The following PARVB variants were observed in gnomAD, a reference collection of about 807,000 sequenced individuals.
PARVB encodes parvin beta, also known as beta-parvin.
In PARVB, 46 loss-of-function variants were observed where a neutral mutation model predicts 47.0. The ratio of observed to expected loss-of-function variants is 0.98; its 90% confidence interval spans 0.77 to 1.25. The LOEUF is 1.25. PARVB is among the 50% of genes most tolerant of loss of function. The probability of loss-of-function intolerance (pLI) is 0.00; values close to 1 mark genes in which losing one functional copy is unlikely to be tolerated. For synonymous variants in PARVB, 196 were observed against 196.3 expected (o/e 1.00, Z 0.01); for missense variants, 473 against 471.6 (o/e 1.00, Z -0.03).
chr22:44,081,118 T>C (rs376628256), intron 1 of PARVB, among the ~76,000 whole-genome samples: 2 of 152,216 alleles, frequency 1.3e-5, no homozygotes, highest in African/African-American at 4.8e-5. Flanking sequence ...TTTCTCCTTT[T>C]CTGCTGTGGG....
intron 1 of PARVB, among the ~76,000 whole-genome samples, chr22:44,041,597 C>T (rs2051019609): frequency 2.0e-5 from 3 of 151,948 alleles, no homozygotes; most frequent in African/African-American, 7.3e-5. Flanking sequence ...AATAAAAGCC[C>T]TACAGGCCAG....
chr22:44,093,409 G>A (rs753452768), intron 1 of PARVB, among the ~76,000 whole-genome samples: 3 of 152,180 alleles, frequency 2.0e-5, no homozygotes, highest in Admixed American at 2.0e-4. Flanking sequence ...ATCCTGACCC[G>A]GGTGTTCCAT....
intron 2 of PARVB, among the ~76,000 whole-genome samples, chr22:44,098,875 A>G (rs1351933338): frequency 6.6e-6 from 1 of 152,170 alleles, no homozygotes; most frequent in Non-Finnish European, 1.5e-5. Context: ...GGATTTCACT[A>G]TGTAGCCCAG....
intron 10 of PARVB, among the ~76,000 whole-genome samples, chr22:44,157,096 A>G (rs1394631995): frequency 6.6e-6 from 1 of 152,278 alleles, no homozygotes; most frequent in Non-Finnish European, 1.5e-5. Flanking sequence ...TAATTTAAAT[A>G]GCTGCATGTG....
At chr22:44,156,001 A>G (rs549433114) in intron 10 of PARVB, among the ~76,000 whole-genome samples, 1 of 152,146 alleles carries the variant, frequency 6.6e-6, no homozygotes, top group South Asian at 2.1e-4. Flanking sequence ...AAATACAAAA[A>G]TTGGCGGGTA....
At chr22:44,087,680 A>G (rs771640473) in intron 1 of PARVB, among the ~76,000 whole-genome samples, 27 of 152,006 alleles carry the variant, frequency 1.8e-4, no homozygotes, top group Admixed American at 3.3e-4. Context: ...GCATAAATAA[A>G]TAAATACAAC....
intron 3 of PARVB, chr22:44,110,112 C>CAAAAA (rs59049954): frequency 1.4e-4 from 11 of 76,714 alleles, no homozygotes; most frequent in African/African-American, 1.5e-4. Context: ...GACTCCGTCT[C>CAAAAA]AAAAAAAAAA....
rs772799730 is a variant in PARVB at position 43,999,596 on chromosome 22, T to C, written c.134T>C (p.Met45Thr). 9 of 1,613,716 alleles carry C rather than the reference T, an allele frequency of 5.6e-6. No individual in the cohort carries two copies. The South Asian group carries it at 7.7e-5, about 14-fold the overall frequency. ...TGGGGCCTGTGCTCCCAGGCACTCA[T>C]GGCTTCTCTGGCTGGTTCACTTCTC... The change falls in exon 2 of 14, where the codon ATG becomes ACG. Residue 45 changes from methionine (M) to threonine (T), a missense_variant. By Grantham distance (81) the Met-to-Thr change is moderately conservative. Coordinates refer to the PARVB transcript ENST00000406477.
chr22:44,050,628 GC>G (rs1265861117), intron 1 of PARVB, among the ~76,000 whole-genome samples: 1 of 152,152 alleles, frequency 6.6e-6, no homozygotes, highest in African/African-American at 2.4e-5. Context: ...GTGAGCCACT[GC>G]GCCTGGCCAG....
intron 2 of PARVB, among the ~76,000 whole-genome samples, chr22:44,010,223 G>A (rs1363998656): frequency 6.6e-6 from 1 of 152,122 alleles, no homozygotes; most frequent in African/African-American, 2.4e-5. Flanking sequence ...ACATAAACTG[G>A]CACTCAGTAT....
chr22:44,025,723 T>TC (rs139003197), intron 1 of PARVB, among the ~76,000 whole-genome samples: 1 of 151,850 alleles, frequency 6.6e-6, no homozygotes, highest in East Asian at 1.9e-4. Flanking sequence ...GCTGTCACCC[T>TC]TCTATCATCC....
At position 44,024,435 on chromosome 22, in the gene PARVB, G is replaced by A. The variant is rs942926356; in HGVS notation, c.96G>A (p.Lys32=). The change falls in exon 1 of 13, where the codon AAG becomes AAA. Residue 32 remains lysine, a synonymous_variant. Transcript: ENST00000338758. ...LGKLGGTLAR[K]RRAREVSDLQ... ...AGCTGGGCGGCACCCTGGCCAGGAAGCGGAGGGCGCGCGAGGGTGAGTGCG... is the reference window on the plus strand; with the variant it reads ...AGCTGGGCGGCACCCTGGCCAGGAAACGGAGGGCGCGCGAGGGTGAGTGCG... 1.5e-5 allele frequency: 18 copies of A among 1,206,858 alleles called. No homozygotes were observed. The African/African-American group carries it at 2.8e-4, about 18-fold the overall frequency. The allele number at this position is 1,206,858 out of a possible 1,614,324, so 74.8% of individuals were successfully genotyped here.
In PARVB at chr22:44,170,789, C is replaced by G. The variant is rs1220033948; in HGVS notation, c.*2111C>G. 6.6e-6 allele frequency: 1 copy of G among 152,268 alleles called. No individual in the cohort carries two copies. The highest frequency in any genetic ancestry group is 2.4e-5 in the African/African-American group (1 of 41,460). 9.4% of individuals were successfully genotyped at this position (152,268 alleles called of 1,614,324 possible). On this transcript the variant is annotated 3_prime_UTR_variant, in exon 13 of 13. Transcript: ENST00000338758. ...TCTCTCAGCATTCTCCGTAGTGAGCCTGGCCTTTCTGATCTTGTTAGCTTT... is the reference window on the plus strand; with the variant it reads ...TCTCTCAGCATTCTCCGTAGTGAGCGTGGCCTTTCTGATCTTGTTAGCTTT...
intron 1 of PARVB, among the ~76,000 whole-genome samples, chr22:44,028,806 A>G (rs755342539): frequency 2.0e-5 from 3 of 152,036 alleles, no homozygotes; most frequent in Non-Finnish European, 2.9e-5. Context: ...TGGTGGTGTC[A>G]GTGTTCTGGA....
intron 11 of PARVB, chr22:44,162,908 G>A (rs1025280823): frequency 3.3e-5 from 5 of 152,232 alleles, no homozygotes; most frequent in Non-Finnish European, 5.9e-5. Context: ...AGTCACGGTA[G>A]GGCGGAGGTG....
chr22:44,131,653 G>T, intron 5 of PARVB, 26 bp downstream of exon 5: 2 of 1,592,572 alleles, frequency 1.3e-6, no homozygotes, highest in Non-Finnish European at 1.7e-6. Context: ...CAGGGGGAGG[G>T]ACTGTCTGGA....
At chr22:44,102,328 A>G (rs915821420) in intron 3 of PARVB, among the ~76,000 whole-genome samples, 1 of 152,188 alleles carries the variant, frequency 6.6e-6, no homozygotes, top group African/African-American at 2.4e-5. Flanking sequence ...ACCATTCCAG[A>G]CACACCCAGA....
chr22:44,153,155 C>T (rs1223882595), intron 10 of PARVB: 2 of 152,160 alleles, frequency 1.3e-5, no homozygotes, highest in African/African-American at 4.8e-5. Context: ...ACAAATGTTG[C>T]ACATTTAGCC....
chr22:44,043,909 G>A (rs761953137), intron 1 of PARVB, among the ~76,000 whole-genome samples: 8 of 152,136 alleles, frequency 5.3e-5, no homozygotes, highest in Non-Finnish European at 8.8e-5. Flanking sequence ...TCATCTTCCT[G>A]TTCATTGCCC....
Sources: gnomAD v4.1 joint callset for allele counts (sites outside exome capture counted in the v4.1 genomes callset) on GRCh38, gnomAD v4.1.1 for gene constraint, MANE v1.5 for transcripts, NCBI Gene and HGNC (gene_info 2026-07-23, HGNC 2026-07-21) for gene names.